Variants in FOXP3 observed in about 807,000 individuals in gnomAD.
FOXP3 encodes the protein forkhead box protein P3.
A neutral mutation model predicts 31.2 loss-of-function variants in FOXP3; 5 were observed. The ratio of observed to expected loss-of-function variants is 0.16; its 90% CI spans 0.08 to 0.34. FOXP3 has a LOEUF of 0.34. Ranked by LOEUF, FOXP3 falls within the 10% of genes least tolerant of loss-of-function variation. The pLI, the probability that FOXP3 is intolerant of heterozygous loss-of-function variation, is 1.00. For synonymous variants in FOXP3, 141 were observed against 148.8 expected, an observed-to-expected ratio of 0.95 and a Z score of 0.38; for missense variants, 251 against 363.0, an observed-to-expected ratio of 0.69 and a Z score of 2.51.
intron 1 of FOXP3, among the ~76,000 whole-genome samples, chrX:49,263,854 C>T (rs782333338): frequency 1.8e-5 from 2 of 111,087 alleles, no homozygotes; most frequent in Non-Finnish European, 3.8e-5. Flanking sequence ...TGCTCCCTGC[C>T]CCCCCGCCCC....
chrX:49,253,877 G>A (rs1557115903), intron 9 of FOXP3, 40 bp downstream of exon 9: 2 of 1,207,674 alleles, frequency 1.7e-6, no homozygotes, highest in African/African-American at 3.5e-5. Flanking sequence ...GTCAGGATTA[G>A]GAGCTTGGGG....
Position 49,254,720 on chromosome X carries a change from G to C in FOXP3, c.817-653C>G, listed in dbSNP as rs188761853. Among the ~76,000 whole-genome samples, 4 of 111,493 alleles carry C rather than the reference G, an allele frequency of 3.6e-5. No individual in the cohort carries two copies. The East Asian group carries it at 8.4e-4, about 24-fold the overall frequency. On this transcript the variant is annotated intron_variant, in intron 8 of 11. Coordinates refer to ENST00000376207, the MANE Select transcript of FOXP3 (RefSeq NM_014009.4). ...CACCAGCAAAGCGCTCAGAAACAGTGCCTGGCCTCCAGGGCTGGCTTCATG... is the reference window on the plus strand; with the variant it reads ...CACCAGCAAAGCGCTCAGAAACAGTCCCTGGCCTCCAGGGCTGGCTTCATG...
At chrX:49,257,157 G>A in intron 4 of FOXP3, 145 bp from the exon 5 acceptor site, 1 of 579,569 alleles carries the variant, frequency 1.7e-6, no homozygotes, top group Non-Finnish European at 2.7e-6. Context: ...AAAGTCCCAG[G>A]CTTCTGGCAG....
At position 49,257,678 on chromosome X, in the gene FOXP3, G is replaced by T; in HGVS notation, c.301C>A (p.His101Asn). ...ACCGTCCATACCTGGTGCATGAAATGTGGCCTGTCCTGGAGGAGTGCCTGT... is the reference window on the plus strand; with the variant it reads ...ACCGTCCATACCTGGTGCATGAAATTTGGCCTGTCCTGGAGGAGTGCCTGT... ...HLQALLQDRP[H>N]FMHQLSTVDA... Residue 101 changes from histidine (H) to asparagine (N), a missense_variant, in exon 3 of 12, where the codon CAT becomes AAT. By Grantham distance (68) the His-to-Asn change is moderately conservative (BLOSUM62 1). Around this residue, in one of 4 missense-constraint regions of FOXP3, gnomAD observed 152 missense variants for 188.1 expected, o/e 0.81. Transcript: ENST00000376207. 3 of 1,182,262 alleles carry T rather than the reference G, an allele frequency of 2.5e-6. No homozygotes were observed. Among genetic ancestry groups the T allele is most frequent in the Non-Finnish European group, 3.4e-6 (3 of 879,893 alleles).
At position 49,251,131 on chromosome X, in the gene FOXP3, C is replaced by G; in HGVS notation, c.*203G>C. 1 of 501,639 alleles carries G rather than the reference C, an allele frequency of 2.0e-6. No homozygotes were observed. Among genetic ancestry groups the G allele is most frequent in the Non-Finnish European group, 3.2e-6 (1 of 313,507 alleles). The allele number at this position is 501,639 out of a possible 1,213,427, so 41.3% of individuals were successfully genotyped here. On this transcript the variant is annotated 3_prime_UTR_variant, in exon 12 of 12. Transcript: ENST00000376207. ...GGCTGGGGCCAGGACCGGGGCCCCT[C>G]TGAGCAGCCTTGGGGCAAAGGATAT...
intron 2 of FOXP3, among the ~76,000 whole-genome samples, chrX:49,258,013 G>T (rs1161023995): frequency 6.2e-5 from 7 of 112,147 alleles, no homozygotes; most frequent in Admixed American, 5.6e-4. Flanking sequence ...TTGTCACATG[G>T]GGATGGGGAC....
rs183227650 is a variant in FOXP3 at position 49,253,267 on chromosome X, C to G, written c.968-65G>C. On this transcript the variant is annotated intron_variant, in intron 9 of 11. Transcript: ENST00000376207. ...CTCCTAGCTAGCTCCCTGTCCCCTC[C>G]CCCTACAAGGTGAGTCTACAGGCCT... 32 of 971,429 alleles carry G rather than the reference C, an allele frequency of 3.3e-5. No homozygotes were observed. In the East Asian group the frequency reaches 1.0e-3, roughly 31 times the overall value. 80.1% of individuals were successfully genotyped at this position (971,429 alleles called of 1,213,427 possible).
intron 1 of FOXP3, among the ~76,000 whole-genome samples, chrX:49,260,917 C>T (rs1557117127): frequency 8.9e-6 from 1 of 112,302 alleles, no homozygotes; most frequent in Non-Finnish European, 1.9e-5. Flanking sequence ...AGGCTTGGCC[C>T]AGGTGGGGTG....
intron 9 of FOXP3, 130 bp from the exon 10 acceptor site, chrX:49,253,332 A>G (rs1275385884): frequency 1.9e-6 from 1 of 518,996 alleles, no homozygotes; most frequent in Admixed American, 2.9e-5. Context: ...GGGCACAGGT[A>G]CTGTTTGCTG....
At position 49,251,056 on chromosome X, in the gene FOXP3, CTGTT is replaced by C. The variant is rs2066026475; in HGVS notation, c.*274_*277del. 1.0e-5 allele frequency: 4 copies of C among 385,574 alleles called. No individual in the cohort carries two copies. In the South Asian group the frequency reaches 1.1e-4, roughly 11 times the overall value. The allele number at this position is 385,574 out of a possible 1,213,427, so 31.8% of individuals were successfully genotyped here. A position where few individuals can be genotyped will look rare whatever the true frequency, so the allele number is the denominator to read the frequency against. On this transcript the variant is annotated 3_prime_UTR_variant, in exon 12 of 12. Transcript: ENST00000376207. ...CTCTGTGTGGCTGGTTGTGAAGGCT[CTGTT>C]TGGCTGCAGGGCTCGACTGGGGGGT...
intron 10 of FOXP3, among the ~76,000 whole-genome samples, chrX:49,252,449 G>A (rs968566838): frequency 9.0e-6 from 1 of 110,551 alleles, no homozygotes; most frequent in Non-Finnish European, 1.9e-5. Flanking sequence ...GATGATGATT[G>A]CAGTGAGGCT....
At position 49,251,759 on chromosome X, in the gene FOXP3, G is replaced by A. The variant is rs782127412; in HGVS notation, c.1051C>T (p.Leu351=). Reference sequence around the variant, plus strand: ...GTCCGCTGCTTCTCTGGAGCCTCCAGGATGGCCTGGAAGTTGGGGGGTGGG... The same window carrying A: ...GTCCGCTGCTTCTCTGGAGCCTCCAAGATGGCCTGGAAGTTGGGGGGTGGG... The part of the protein sequence containing the change: ...TYATLIRWAI[L]EAPEKQRTLN... The change falls in exon 11 of 12, where the codon CTG becomes TTG. Residue 351 remains leucine, a synonymous_variant. Coordinates refer to ENST00000376207, the MANE Select transcript of FOXP3 (RefSeq NM_014009.4). 61 of 1,198,385 alleles carry A rather than the reference G, an allele frequency of 5.1e-5. No homozygotes were observed. The Middle Eastern group carries it at 9.2e-4, about 18-fold the overall frequency.
chrX:49,254,168 G>A, intron 8 of FOXP3, 101 bp from the exon 9 acceptor site: 2 of 997,692 alleles, frequency 2.0e-6, no homozygotes, highest in East Asian at 6.8e-5. Flanking sequence ...GTCTTGCTCT[G>A]TCGCCCAGGC....
chrX:49,255,815 A>T lies in FOXP3; in HGVS notation c.648-13T>A, dbSNP rs190739204. The T allele has an allele frequency of 1.2e-3, 1,461 of 1,189,925 alleles. 7 individuals are homozygous for T. Among genetic ancestry groups the T allele is most frequent in the Non-Finnish European group, 5.9e-4 (522 of 880,690 alleles). ...CGCCTGGCAGTGCCTAAGTAGGGAGAAGATTCCATGCAGGTGACCACGACA... is the reference window on the plus strand; with the variant it reads ...CGCCTGGCAGTGCCTAAGTAGGGAGTAGATTCCATGCAGGTGACCACGACA... On this transcript the variant is annotated splice_polypyrimidine_tract_variant and intron_variant, in intron 6 of 11. Transcript: ENST00000376207.
Position 49,250,442 on chromosome X carries a change from G to A in FOXP3, c.*892C>T. On this transcript the variant is annotated 3_prime_UTR_variant, in exon 12 of 12. Transcript: ENST00000376207. ...ATGGGGTGATAGTCCAGCATGTGGG[G>A]AGCTCGGCTGCAGTTTATTGGGGAC... 4 of 506,289 alleles carry A rather than the reference G, an allele frequency of 7.9e-6. No homozygotes were observed. The highest frequency in any genetic ancestry group is 1.4e-5 in the Non-Finnish European group (4 of 281,298). 41.7% of individuals were successfully genotyped at this position (506,289 alleles called of 1,213,427 possible). A position where few individuals can be genotyped will look rare whatever the true frequency, so the allele number is the denominator to read the frequency against.
At position 49,251,433 on chromosome X, in the gene FOXP3, C is replaced by T; in HGVS notation, c.1197G>A (p.Glu399=). 1 of 1,212,202 alleles carries T rather than the reference C, an allele frequency of 8.2e-7. No individual in the cohort carries two copies. Among genetic ancestry groups the T allele is most frequent in the Non-Finnish European group, 1.1e-6 (1 of 895,611 alleles). The part of the protein sequence containing the change: ...LSLHKCFVRV[E]SEKGAVWTVD... ...CGGTCCACACAGCCCCCTTCTCGCT[C>T]TCCACCCGCACAAAGCACTTGTGCA... The change falls in exon 12 of 12, where the codon GAG becomes GAA. Residue 399 remains glutamate, a synonymous_variant. Transcript: ENST00000376207.
chrX:49,254,038 G>C lies in FOXP3; in HGVS notation c.846C>G (p.Ile282Met). Residue 282 changes from isoleucine to methionine, a missense_variant, in exon 9 of 12, where the codon ATC becomes ATG. By Grantham distance (10) the Ile-to-Met change is conservative. Coordinates refer to ENST00000376207, the MANE Select transcript of FOXP3 (RefSeq NM_014009.4). The part of the protein sequence containing the change: ...VASSDKGSCC[I>M]VAAGSQGPVV... ...CAGGGCCTTGGCTGCCAGCAGCTAC[G>C]ATGCAGCAGGAGCCCTTGTCGGATG... is the stretch of plus-strand genomic sequence containing the variant. The C allele has an allele frequency of 8.3e-7, 1 of 1,207,886 alleles. No homozygotes were observed. Among genetic ancestry groups the C allele is most frequent in the Non-Finnish European group, 1.1e-6 (1 of 893,547 alleles).
rs1255528846 is a variant in FOXP3, at chrX:49,257,474, G to A, written c.407C>T (p.Thr136Ile). The A allele has an allele frequency of 1.7e-6, 2 of 1,148,312 alleles. No individual in the cohort carries two copies. Among genetic ancestry groups the A allele is most frequent in the Non-Finnish European group, 2.3e-6 (2 of 863,130 alleles). The allele number at this position is 1,148,312 out of a possible 1,213,427, so 94.6% of individuals were successfully genotyped here. ...PAMISLTPPT[T>I]ATGVFSLKAR... Reference sequence around the variant, plus strand: ...CTTGAGGGAGAAGACCCCAGTGGCGGTGGTGGGTGGTGTGAGGCTGATCAT... The same window carrying A: ...CTTGAGGGAGAAGACCCCAGTGGCGATGGTGGGTGGTGTGAGGCTGATCAT... The change falls in exon 4 of 12, where the codon ACC (threonine) becomes ATC (isoleucine). Residue 136 changes from threonine (T) to isoleucine (I), a missense_variant. Transcript: ENST00000376207.
intron 8 of FOXP3, 113 bp from the exon 9 acceptor site, chrX:49,254,180 G>A: frequency 1.1e-6 from 1 of 894,676 alleles, no homozygotes; most frequent in Non-Finnish European, 1.5e-6. Flanking sequence ...CGCCCAGGCT[G>A]GAGTGCAGTG....
Sources: allele counts gnomAD v4.1 joint callset (sites outside exome capture counted in the v4.1 genomes callset), GRCh38; gene constraint gnomAD v4.1.1; regional missense constraint gnomAD v4.1.1; transcripts MANE v1.5; gene names NCBI Gene and HGNC (gene_info 2026-07-23, HGNC 2026-07-21).